CRISP2: variants seen among roughly 807,000 people sequenced by gnomAD.
CRISP2 encodes cysteine-rich secretory protein 2.
CRISP2 carries 29 observed loss-of-function variants against 31.7 expected under a neutral mutation model. That is an observed-to-expected ratio of 0.92 (90% confidence interval 0.68 to 1.25). CRISP2 has a LOEUF of 1.25. Among genes scored for constraint, CRISP2 ranks in the 50% most tolerant of loss-of-function variants. The pLI, the probability that CRISP2 is intolerant of heterozygous loss-of-function variation, is 0.00. For synonymous variants in CRISP2, 111 were observed against 101.4 expected, an observed-to-expected ratio of 1.09 and a Z score of -0.57; for missense variants, 318 against 286.5, an observed-to-expected ratio of 1.11 and a Z score of -0.79.
chr6:49,697,784 G>A (rs779531809), intron 8 of CRISP2, 76 bp downstream of exon 8: 1 of 1,603,604 alleles, frequency 6.2e-7, no homozygotes, highest in African/African-American at 1.3e-5. Context: ...TTTCATTCTG[G>A]TTTAAGATAT....
intron 4 of CRISP2, among the ~76,000 whole-genome samples, chr6:49,702,100 T>C (rs1766093399): frequency 1.2e-5 from 1 of 82,872 alleles, no homozygotes; most frequent in South Asian, 4.3e-4. Context: ...ATATATTATA[T>C]ATGTATACTT....
downstream of CRISP2, among the ~76,000 whole-genome samples, chr6:49,688,869 C>G (rs1763964843): frequency 6.6e-6 from 1 of 151,948 alleles, no homozygotes; most frequent in South Asian, 2.1e-4. Flanking sequence ...CTTTTCTTTT[C>G]TTTTATTTTT....
At chr6:49,687,215 T>C in the CRISP2 span, among the ~76,000 whole-genome samples, 23 of 152,192 alleles carry the variant, frequency 1.5e-4, no homozygotes, top group Non-Finnish European at 7.3e-5. Context: ...AATACAATTA[T>C]CAGTACTGTC....
chr6:49,700,891 T>C (rs1010320019), intron 4 of CRISP2, 107 bp from the exon 5 acceptor site: 3 of 669,886 alleles, frequency 4.5e-6, no homozygotes, highest in East Asian at 2.9e-5. Flanking sequence ...AAGTGCAAAA[T>C]AGTTATCATG....
At chr6:49,677,586 G>A in the CRISP2 span, among the ~76,000 whole-genome samples, 1 of 152,174 alleles carries the variant, frequency 6.6e-6, no homozygotes, top group African/African-American at 2.4e-5. Flanking sequence ...TTGGCAATAT[G>A]AGTAGCTTCT....
intron 4 of CRISP2, among the ~76,000 whole-genome samples, chr6:49,707,212 A>C (rs759556923): frequency 6.6e-6 from 1 of 152,206 alleles, no homozygotes; most frequent in Non-Finnish European, 1.5e-5. Flanking sequence ...ATCCTTAAAG[A>C]GTTTATATTG....
At chr6:49,709,752 T>C (rs547033379) in intron 3 of CRISP2, among the ~76,000 whole-genome samples, 34 of 152,208 alleles carry the variant, frequency 2.2e-4, no homozygotes, top group African/African-American at 8.2e-4. Flanking sequence ...TAACTAGAAG[T>C]TATGTTTATT....
At chr6:49,679,769 G>C in the CRISP2 span, among the ~76,000 whole-genome samples, 1 of 151,790 alleles carries the variant, frequency 6.6e-6, no homozygotes, top group Non-Finnish European at 1.5e-5. Flanking sequence ...GCAGTGGCAC[G>C]ATCTTGGCTC....
chr6:49,704,241 AT>A (rs1286061834), intron 4 of CRISP2, among the ~76,000 whole-genome samples: 2 of 151,408 alleles, frequency 1.3e-5, no homozygotes, highest in Admixed American at 1.3e-4. Context: ...TTTTCTGGAA[AT>A]TTTTTCATTC....
In CRISP2 at chr6:49,694,868, GGACTACAGGC is replaced by G. The variant is rs1764491788; in HGVS notation, c.604+958_604+967del. Among the ~76,000 whole-genome samples the G allele has an allele frequency of 8.6e-5, 13 of 151,850 alleles. No homozygotes were observed. In the South Asian group the frequency reaches 2.7e-3, roughly 32 times the overall value. On this transcript the variant is annotated intron_variant, in intron 9 of 9. Coordinates refer to ENST00000339139, the MANE Select transcript of CRISP2 (RefSeq NM_003296.4). Reference sequence around the variant, plus strand: ...CCTGCCTCAGCCTCCTGAGTAGCTGGGACTACAGGCATCCACCACCACACCTGGCTCATTT... The same window carrying G: ...CCTGCCTCAGCCTCCTGAGTAGCTGGATCCACCACCACACCTGGCTCATTT...
chr6:49,689,029 G>T (rs928297918), downstream of CRISP2, among the ~76,000 whole-genome samples: 1 of 151,914 alleles, frequency 6.6e-6, no homozygotes, highest in Non-Finnish European at 1.5e-5. Flanking sequence ...CTGCCATGAC[G>T]TCCGGCAAAT....
At chr6:49,712,661 G>A (rs1298971397) in intron 1 of CRISP2, 57 bp from the exon 2 acceptor site, 1 of 151,890 alleles carries the variant, frequency 6.6e-6, no homozygotes, top group Non-Finnish European at 1.5e-5. Context: ...CCTTATAGAT[G>A]GTATCTATAA....
chr6:49,689,223 A>G (rs1370201512), downstream of CRISP2, among the ~76,000 whole-genome samples: 3 of 152,124 alleles, frequency 2.0e-5, no homozygotes, highest in Non-Finnish European at 4.4e-5. Flanking sequence ...ATAATTTAAA[A>G]CCACCACACA....
At chr6:49,702,716 C>G (rs1263096190) in intron 4 of CRISP2, among the ~76,000 whole-genome samples, 3 of 151,834 alleles carry the variant, frequency 2.0e-5, no homozygotes, top group Non-Finnish European at 4.4e-5. Context: ...AGTTGGATAA[C>G]TAGTTTGCGA....
At chr6:49,691,053 A>G (rs1040259708), downstream of CRISP2, among the ~76,000 whole-genome samples, 3 of 151,924 alleles carry the variant, frequency 2.0e-5, no homozygotes, top group African/African-American at 7.2e-5. Flanking sequence ...TATAAAGGTT[A>G]TTTTTTAGTC....
In CRISP2 at chr6:49,695,886, T is replaced by C. The variant is rs765504469; in HGVS notation, c.554A>G (p.Gln185Arg). ...AGGGCAACCGGCACAAGGTGTTCCT[T>C]GTTGGTACGGGGTATTCTTTCTATT... is the stretch of plus-strand genomic sequence containing the variant. ...NMNRKNTPYQ[Q>R]GTPCAGCPDD... The change falls in exon 9 of 10, where the codon CAA becomes CGA. Residue 185 changes from glutamine to arginine, a missense_variant. Physicochemically the swap from Gln to Arg is conservative, Grantham distance 43 (BLOSUM62 1). Transcript: ENST00000339139. 3 of 1,613,264 alleles carry C rather than the reference T, an allele frequency of 1.9e-6. No individual in the cohort carries two copies. Among genetic ancestry groups the C allele is most frequent in the Admixed American group, 3.3e-5 (2 of 59,946 alleles).
chr6:49,684,072 T>G, the CRISP2 span, among the ~76,000 whole-genome samples: 1 of 152,032 alleles, frequency 6.6e-6, no homozygotes, highest in Non-Finnish European at 1.5e-5. Flanking sequence ...TACTTAATCT[T>G]CCTATCCTTG....
In CRISP2 at chr6:49,698,469, G is replaced by C. The variant is rs1217692932; in HGVS notation, c.310C>G (p.Pro104Ala). 8 of 1,612,886 alleles carry C rather than the reference G, an allele frequency of 5.0e-6. No individual in the cohort carries two copies. The highest frequency in any genetic ancestry group is 6.8e-6 in the Non-Finnish European group (8 of 1,179,444). ...CGENLYMSSDPTSWSSAIQSW... is the reference protein window; with the variant it reads ...CGENLYMSSDATSWSSAIQSW... Reference sequence around the variant, plus strand: ...TGGATTGCAGAAGACCAGGAAGTAGGGTCACTTGACATATAGAGATTCTCA... The same window carrying C: ...TGGATTGCAGAAGACCAGGAAGTAGCGTCACTTGACATATAGAGATTCTCA... Residue 104 changes from proline to alanine, a missense_variant, in exon 7 of 10, where the codon CCT (proline) becomes GCT (alanine). Physicochemically the swap from Pro to Ala is conservative, Grantham distance 27. Transcript: ENST00000339139.
chr6:49,707,504 T>A (rs1203272453), intron 4 of CRISP2, among the ~76,000 whole-genome samples: 5 of 152,072 alleles, frequency 3.3e-5, no homozygotes, highest in Admixed American at 3.3e-4. Context: ...ATTTTATAAA[T>A]GAAGACCAGG....
Sources: allele counts gnomAD v4.1 joint callset (sites outside exome capture counted in the v4.1 genomes callset), GRCh38; gene constraint gnomAD v4.1.1; transcripts MANE v1.5; gene names NCBI Gene and HGNC (gene_info 2026-07-23, HGNC 2026-07-21).